The following CPB1 variants were observed in gnomAD, a reference collection of about 807,000 sequenced individuals.
The protein encoded by CPB1 is carboxypeptidase B.
A neutral mutation model predicts 51.4 loss-of-function variants in CPB1; 53 were observed. That is an observed-to-expected ratio of 1.03 (90% confidence interval 0.83 to 1.30). The LOEUF is 1.30. Among genes scored for constraint, CPB1 ranks in the 50% most tolerant of loss-of-function variants. The pLI is 0.00. For missense variants in CPB1, 494 were observed against 516.2 expected (o/e 0.96, Z 0.42); for synonymous variants, 189 against 186.9 (o/e 1.01, Z -0.09).
intron 2 of CPB1, among the ~76,000 whole-genome samples, chr3:148,831,338 C>T (rs1475480451): frequency 6.6e-6 from 1 of 152,094 alleles, no homozygotes; most frequent in Non-Finnish European, 1.5e-5. Context: ...TTCCTCACTG[C>T]TGTCTGGAAT....
At chr3:148,836,512 A>G (rs1270400702) in intron 3 of CPB1, among the ~76,000 whole-genome samples, 2 of 152,186 alleles carry the variant, frequency 1.3e-5, no homozygotes, top group East Asian at 3.8e-4. Flanking sequence ...TACCCTTATC[A>G]CAAAACAGTA....
chr3:148,832,951 A>ATATC (rs1171961270), intron 2 of CPB1, among the ~76,000 whole-genome samples: 2 of 152,188 alleles, frequency 1.3e-5, no homozygotes, highest in African/African-American at 4.8e-5. Flanking sequence ...TAATAAAGAC[A>ATATC]TATCTCTCTC....
intron 6 of CPB1, among the ~76,000 whole-genome samples, chr3:148,843,449 C>T (rs952741813): frequency 6.6e-6 from 1 of 151,936 alleles, no homozygotes; most frequent in African/African-American, 2.4e-5. Context: ...GGTTTCTAGA[C>T]ATTATGTATC....
In CPB1 at chr3:148,841,932, T is replaced by C; in HGVS notation, c.576+8T>C. On this transcript the variant is annotated splice_region_variant and intron_variant, in intron 6 of 10. Transcript: ENST00000282957. ...CAGTGGTTTGTAAGAGAGGTCAGTG[T>C]GTAGAGTGGTTTTTGGCAAAGAGAA... The C allele has an allele frequency of 1.9e-6, 3 of 1,592,756 alleles. No individual in the cohort carries two copies. The highest frequency in any genetic ancestry group is 2.6e-6 in the Non-Finnish European group (3 of 1,162,954).
chr3:148,845,954 C>T (rs140135590), intron 9 of CPB1, among the ~76,000 whole-genome samples: 32 of 152,244 alleles, frequency 2.1e-4, no homozygotes, highest in African/African-American at 7.2e-4. Context: ...TGCTTGATCA[C>T]ATACATATTT....
At chr3:148,852,815 C>G (rs1236610292) in intron 9 of CPB1, among the ~76,000 whole-genome samples, 2 of 152,176 alleles carry the variant, frequency 1.3e-5, no homozygotes, top group Non-Finnish European at 2.9e-5. Context: ...TGAAAGCGTT[C>G]CCACACTCCC....
At position 148,831,503 on chromosome 3, in the gene CPB1, A is replaced by G. The variant is rs773853582; in HGVS notation, c.148-2995A>G. Among the ~76,000 whole-genome samples, 84 of 152,182 alleles carry G rather than the reference A, an allele frequency of 5.5e-4. 2 individuals are homozygous for G. The highest frequency in any genetic ancestry group is 6.5e-5 in the Admixed American group (1 of 15,270). On this transcript the variant is annotated intron_variant, in intron 2 of 10. Transcript: ENST00000282957. ...TGAAGAAAAAAAGATCCCCAACACCAATATTTATTTTTTTATTGGCCAATC... is the reference window on the plus strand; with the variant it reads ...TGAAGAAAAAAAGATCCCCAACACCGATATTTATTTTTTTATTGGCCAATC...
At chr3:148,847,118 G>A (rs1283404467) in intron 9 of CPB1, among the ~76,000 whole-genome samples, 1 of 150,490 alleles carries the variant, frequency 6.6e-6, no homozygotes, top group Non-Finnish European at 1.5e-5. Context: ...CACATTAAGG[G>A]TAGCAATAAC....
intron 5 of CPB1, among the ~76,000 whole-genome samples, chr3:148,841,448 TAC>T: frequency 6.6e-6 from 1 of 152,304 alleles, no homozygotes. Flanking sequence ...TAAAAATTCT[TAC>T]AAGATTAGCG....
At chr3:148,830,838 T>A (rs1264980188) in intron 2 of CPB1, among the ~76,000 whole-genome samples, 2 of 152,176 alleles carry the variant, frequency 1.3e-5, no homozygotes, top group African/African-American at 4.8e-5. Context: ...GCTGCAAACA[T>A]CATGCTTTAG....
At chr3:148,856,283 T>A (rs1263278615) in intron 9 of CPB1, 1 of 152,236 alleles carries the variant, frequency 6.6e-6, no homozygotes, top group African/African-American at 2.4e-5. Flanking sequence ...ATTTAATAAC[T>A]CTTTTTAAGT....
Position 148,827,818 on chromosome 3 carries a change from G to A in CPB1, c.-6G>A. 1 of 1,614,044 alleles carries A rather than the reference G, an allele frequency of 6.2e-7. No homozygotes were observed. The highest frequency in any genetic ancestry group is 8.5e-7 in the Non-Finnish European group (1 of 1,179,944). On this transcript the variant is annotated 5_prime_UTR_variant, in exon 1 of 11. Coordinates refer to ENST00000282957, the MANE Select transcript of CPB1 (RefSeq NM_001871.3). ...GAGACCTACCCACTAGACCTGGTCA[G>A]ACACAATGTTGGCACTCTTGGTTCT...
At position 148,840,939 on chromosome 3, in the gene CPB1, A is replaced by T. The variant is rs1713057210; in HGVS notation, c.438A>T (p.Gly146=). 6.2e-7 allele frequency: 1 copy of T among 1,614,110 alleles called. No individual in the cohort carries two copies. Among genetic ancestry groups the T allele is most frequent in the Non-Finnish European group, 8.5e-7 (1 of 1,179,996 alleles). ...CCCTCATCTCTCGCAGTGTTATCGG[A>T]ACCACATTTGAGGGACGCGCTATTT... The part of the protein sequence containing the change: ...NPALISRSVI[G]TTFEGRAIYL... Residue 146 remains glycine, a synonymous_variant, in exon 5 of 11, where the codon GGA becomes GGT. Transcript: ENST00000282957.
intron 6 of CPB1, among the ~76,000 whole-genome samples, chr3:148,842,506 A>G (rs530302628): frequency 2.2e-4 from 34 of 152,348 alleles, no homozygotes; most frequent in African/African-American, 6.5e-4. Flanking sequence ...TAAAATATGC[A>G]TGAGTCTATA....
At chr3:148,851,838 G>A (rs1713440701) in intron 9 of CPB1, 2 of 152,256 alleles carry the variant, frequency 1.3e-5, no homozygotes, top group Non-Finnish European at 2.9e-5. Context: ...ACCAGGTTGT[G>A]TAGGCACTTG....
At chr3:148,845,728 T>C (rs1384268621) in intron 9 of CPB1, 102 bp downstream of exon 9, 3 of 921,300 alleles carry the variant, frequency 3.3e-6, no homozygotes, top group Admixed American at 2.8e-5. Context: ...GAAGTCCCTT[T>C]ATTGATTTTT....
intron 9 of CPB1, among the ~76,000 whole-genome samples, chr3:148,846,912 A>G (rs1488618307): frequency 7.0e-6 from 1 of 143,098 alleles, no homozygotes; most frequent in African/African-American, 2.6e-5. Flanking sequence ...GGGTGCTCAC[A>G]GTATTGCTCT....
At chr3:148,852,371 G>A (rs1713457201) in intron 9 of CPB1, among the ~76,000 whole-genome samples, 1 of 152,030 alleles carries the variant, frequency 6.6e-6, no homozygotes, top group Non-Finnish European at 1.5e-5. Flanking sequence ...GGCATCTAGT[G>A]AGTAGAGGCC....
chr3:148,834,723 GCCTTCCCCAGGA>G, intron 3 of CPB1, 101 bp downstream of exon 3: 1 of 1,143,824 alleles, frequency 8.7e-7, no homozygotes. Context: ...CAAGACCAAT[GCCTTCCCCAGGA>G]CCCCACAAAT....
Sources: gnomAD v4.1 joint callset for allele counts (sites outside exome capture counted in the v4.1 genomes callset) on GRCh38, gnomAD v4.1.1 for gene constraint, MANE v1.5 for transcripts, NCBI Gene and HGNC (gene_info 2026-07-23, HGNC 2026-07-21) for gene names.